MGAT4C: variants seen among roughly 807,000 people sequenced by gnomAD.
MGAT4C encodes alpha-1,3-mannosyl-glycoprotein 4-beta-N-acetylglucosaminyltransferase C.
A neutral mutation model predicts 40.1 loss-of-function variants in MGAT4C; 19 were observed. That is an observed-to-expected ratio of 0.47 (90% CI 0.33 to 0.70). The LOEUF (loss-of-function observed/expected upper bound fraction) is 0.70, where lower values mean the gene tolerates loss of function less well. MGAT4C is among the 30% of genes least tolerant of loss of function. The probability of loss-of-function intolerance (pLI) is 0.02; values close to 1 mark genes in which losing one functional copy is unlikely to be tolerated. For missense variants in MGAT4C, 491 were observed against 563.2 expected, an observed-to-expected ratio of 0.87 and a Z score of 1.30; for synonymous variants, 181 against 187.1, an observed-to-expected ratio of 0.97 and a Z score of 0.27.
At chr12:86,490,991 T>A (rs1245882295) in intron 2 of MGAT4C, among the ~76,000 whole-genome samples, 2 of 152,066 alleles carry the variant, frequency 1.3e-5, no homozygotes, top group South Asian at 2.1e-4. Context: ...ACTGTCAACA[T>A]TAGACAGATC....
intron 2 of MGAT4C, among the ~76,000 whole-genome samples, chr12:86,602,903 TG>T (rs1200891255): frequency 3.9e-5 from 6 of 151,960 alleles, no homozygotes; most frequent in Admixed American, 3.9e-4. Flanking sequence ...TGTGTGTGTG[TG>T]TGTGTGTGTA....
At chr12:86,482,102 A>ACAC (rs59483745) in intron 2 of MGAT4C, among the ~76,000 whole-genome samples, 1 of 149,716 alleles carries the variant, frequency 6.7e-6, no homozygotes, top group South Asian at 2.1e-4. Context: ...ACACACACAC[A>ACAC]AGCAAGTCTT....
intron 1 of MGAT4C, among the ~76,000 whole-genome samples, chr12:86,821,225 T>C (rs1246774927): frequency 1.3e-5 from 2 of 150,908 alleles, no homozygotes; most frequent in Non-Finnish European, 3.0e-5. Flanking sequence ...CAATGTATTC[T>C]ACACAGTGAT....
intron 1 of MGAT4C, among the ~76,000 whole-genome samples, chr12:86,192,036 G>T (rs1889565115): frequency 7.2e-6 from 1 of 139,054 alleles, no homozygotes; most frequent in Non-Finnish European, 1.5e-5. Context: ...TAGGTGGGAA[G>T]TGAACAAGAC....
intron 3 of MGAT4C, among the ~76,000 whole-genome samples, chr12:86,376,753 C>T (rs1364058290): frequency 2.0e-5 from 3 of 146,692 alleles, no homozygotes; most frequent in South Asian, 4.5e-4. Flanking sequence ...TCCCCATGTA[C>T]GTACCTACAT....
intron 1 of MGAT4C, among the ~76,000 whole-genome samples, chr12:86,828,415 C>T (rs1952850989): frequency 6.6e-6 from 1 of 151,304 alleles, no homozygotes; most frequent in Admixed American, 6.6e-5. Flanking sequence ...CCTTAATATA[C>T]TTTCATAACA....
At chr12:86,209,955 T>A (rs1950395707) in intron 1 of MGAT4C, among the ~76,000 whole-genome samples, 1 of 152,198 alleles carries the variant, frequency 6.6e-6, no homozygotes, top group South Asian at 2.1e-4. Context: ...CTCACTCAAT[T>A]GCCTTTCATT....
chr12:86,127,284 G>C (rs1454316695), intron 1 of MGAT4C, among the ~76,000 whole-genome samples: 1 of 152,266 alleles, frequency 6.6e-6, no homozygotes, highest in East Asian at 1.9e-4. Context: ...ACAGTGGTAA[G>C]TATTTGTGTA....
intron 1 of MGAT4C, among the ~76,000 whole-genome samples, chr12:86,080,530 C>T (rs1565953448): frequency 6.6e-6 from 1 of 152,046 alleles, no homozygotes; most frequent in East Asian, 1.9e-4. Flanking sequence ...ATAAAGTATC[C>T]TCCCAACTGT....
intron 3 of MGAT4C, among the ~76,000 whole-genome samples, chr12:86,394,285 T>A (rs572056514): frequency 6.6e-6 from 1 of 152,046 alleles, no homozygotes; most frequent in South Asian, 2.1e-4. Flanking sequence ...TACTAATGGA[T>A]GAAATAGATA....
intron 2 of MGAT4C, among the ~76,000 whole-genome samples, chr12:86,510,895 G>A (rs1481930955): frequency 6.6e-6 from 1 of 151,650 alleles, no homozygotes; most frequent in African/African-American, 2.4e-5. Context: ...AATAATGGGA[G>A]ACTTTAACAC....
At chr12:86,165,698 C>T (rs548493783) in intron 1 of MGAT4C, among the ~76,000 whole-genome samples, 154 of 152,116 alleles carry the variant, frequency 1.0e-3, no homozygotes, top group African/African-American at 3.3e-3. Flanking sequence ...CAATTTAAAA[C>T]GATGATATAA....
At chr12:86,796,072 C>T (rs144954404) in intron 1 of MGAT4C, among the ~76,000 whole-genome samples, 1 of 151,630 alleles carries the variant, frequency 6.6e-6, no homozygotes, top group South Asian at 2.1e-4. Flanking sequence ...ATAAAAAATA[C>T]AATAATTCTG....
At chr12:86,772,559 A>C (rs1186454316) in intron 1 of MGAT4C, among the ~76,000 whole-genome samples, 6 of 152,160 alleles carry the variant, frequency 3.9e-5, no homozygotes, top group Non-Finnish European at 7.4e-5. Context: ...TCAAAGGAAC[A>C]GGCCATTGCC....
chr12:86,627,645 G>A (rs1335258051), intron 2 of MGAT4C, among the ~76,000 whole-genome samples: 2 of 152,218 alleles, frequency 1.3e-5, no homozygotes, highest in African/African-American at 4.8e-5. Context: ...ACTTGCAGCT[G>A]AGGGACCTGA....
intron 2 of MGAT4C, among the ~76,000 whole-genome samples, chr12:86,442,752 A>G (rs1299577371): frequency 7.0e-6 from 1 of 143,596 alleles, no homozygotes; most frequent in East Asian, 2.0e-4. Flanking sequence ...ACTGGTCAAC[A>G]AAGAGCAAAA....
At chr12:86,632,726 G>A (rs903584273) in intron 2 of MGAT4C, among the ~76,000 whole-genome samples, 2 of 150,646 alleles carry the variant, frequency 1.3e-5, no homozygotes, top group African/African-American at 4.9e-5. Flanking sequence ...TTGGACACAG[G>A]GTGTGGAACA....
intron 2 of MGAT4C, among the ~76,000 whole-genome samples, chr12:86,625,063 T>C (rs1962759534): frequency 6.6e-6 from 1 of 152,100 alleles, no homozygotes; most frequent in South Asian, 2.1e-4. Context: ...GAGCTAATTA[T>C]AAAGGGCTCT....
At chr12:85,990,491 T>A (rs959040253) in intron 2 of MGAT4C, among the ~76,000 whole-genome samples, 1 of 152,132 alleles carries the variant, frequency 6.6e-6, no homozygotes, top group African/African-American at 2.4e-5. Context: ...GATGAAGTAT[T>A]TATGTGTAAG....
Sources: gnomAD v4.1 joint callset for allele counts (sites outside exome capture counted in the v4.1 genomes callset) on GRCh38, gnomAD v4.1.1 for gene constraint, MANE v1.5 for transcripts, NCBI Gene and HGNC (gene_info 2026-07-23, HGNC 2026-07-21) for gene names.